TMEFF1: variants seen among roughly 807,000 people sequenced by gnomAD.
TMEFF1 encodes the protein transmembrane protein with EGF like and two follistatin like domains 1.
TMEFF1 carries 20 observed loss-of-function variants against 47.5 expected under a neutral mutation model. That is an observed-to-expected ratio of 0.42 (90% CI 0.30 to 0.61). The LOEUF (loss-of-function observed/expected upper bound fraction) is 0.61. TMEFF1 is among the 20% of genes least tolerant of loss of function. The pLI is 0.19. For synonymous variants in TMEFF1, 162 were observed against 166.3 expected, an observed-to-expected ratio of 0.97 and a Z score of 0.20; for missense variants, 411 against 471.1, an observed-to-expected ratio of 0.87 and a Z score of 1.18.
At position 100,539,421 on chromosome 9, in the gene TMEFF1, G is replaced by A. The variant is rs139119240; in HGVS notation, c.561-8323G>A. Reference sequence around the variant, plus strand: ...TACGGTTCTTAAAGATGGTATGTCCGGAGTTTGTTCCTTCAGATGTTCAGC... The same window carrying A: ...TACGGTTCTTAAAGATGGTATGTCCAGAGTTTGTTCCTTCAGATGTTCAGC... On this transcript the variant is annotated intron_variant, in intron 5 of 9. Coordinates refer to ENST00000374879, the MANE Select transcript of TMEFF1 (RefSeq NM_003692.5). Among the ~76,000 whole-genome samples, 116 of 152,282 alleles carry A rather than the reference G, an allele frequency of 7.6e-4. 3 individuals carry two copies. The East Asian group carries it at 0.017, about 22-fold the overall frequency.
intron 5 of TMEFF1, among the ~76,000 whole-genome samples, chr9:100,537,978 T>C (rs894304193): frequency 1.7e-4 from 26 of 152,298 alleles, no homozygotes; most frequent in African/African-American, 6.3e-4. Flanking sequence ...CAAAAGTGTA[T>C]GAAAACTAAA....
At chr9:100,534,891 A>T (rs950921886) in intron 5 of TMEFF1, among the ~76,000 whole-genome samples, 2 of 152,138 alleles carry the variant, frequency 1.3e-5, no homozygotes, top group East Asian at 3.8e-4. Flanking sequence ...ATTTCTATTT[A>T]ACTGCCATCC....
At chr9:100,491,867 A>AGAATAGTTT in intron 1 of TMEFF1, among the ~76,000 whole-genome samples, 1 of 151,566 alleles carries the variant, frequency 6.6e-6, no homozygotes, top group African/African-American at 2.4e-5. Context: ...TTTTTCTTTG[A>AGAATAGTTT]GAATAGTTTC....
At chr9:100,558,790 ATACT>A (rs963263001) in intron 7 of TMEFF1, among the ~76,000 whole-genome samples, 5 of 152,052 alleles carry the variant, frequency 3.3e-5, no homozygotes, top group African/African-American at 1.2e-4. Flanking sequence ...ATACTTGGTA[ATACT>A]TATTTATTAA....
chr9:100,474,283 G>A (rs866477405), intron 1 of TMEFF1, among the ~76,000 whole-genome samples: 3 of 152,022 alleles, frequency 2.0e-5, no homozygotes, highest in Middle Eastern at 3.4e-3. Flanking sequence ...TAAAGGGAAC[G>A]GGTTGTCTTG....
At chr9:100,487,607 T>C (rs1057280440) in intron 1 of TMEFF1, among the ~76,000 whole-genome samples, 1 of 152,200 alleles carries the variant, frequency 6.6e-6, no homozygotes, top group Non-Finnish European at 1.5e-5. Flanking sequence ...ATTCAATGTT[T>C]TACAACAAAA....
intron 1 of TMEFF1, among the ~76,000 whole-genome samples, chr9:100,490,804 G>A (rs1194065756): frequency 6.8e-6 from 1 of 147,476 alleles, no homozygotes; most frequent in Non-Finnish European, 1.5e-5. Flanking sequence ...TACCGGTTTT[G>A]TTTATTCCTG....
chr9:100,522,149 G>T (rs1838172454), intron 5 of TMEFF1, among the ~76,000 whole-genome samples: 1 of 152,150 alleles, frequency 6.6e-6, no homozygotes. Flanking sequence ...GAAGCTTCAT[G>T]TACTTTTTAA....
At position 100,574,237 on chromosome 9, in the gene TMEFF1, A is replaced by G. The variant is rs147360727; in HGVS notation, c.1058+1561A>G. Reference sequence around the variant, plus strand: ...ATATTTTTCAGAGTATTAATGAGTCATCTGAAAAATTCATTGGAGTAGTGA... The same window carrying G: ...ATATTTTTCAGAGTATTAATGAGTCGTCTGAAAAATTCATTGGAGTAGTGA... On this transcript the variant is annotated intron_variant, in intron 9 of 9. Transcript: ENST00000374879. Among the ~76,000 whole-genome samples, 637 of 152,344 alleles carry G rather than the reference A, an allele frequency of 4.2e-3. 6 individuals are homozygous for G. The highest frequency in any genetic ancestry group is 0.014 in the African/African-American group (601 of 41,576).
At chr9:100,562,813 G>A (rs1839044964) in intron 8 of TMEFF1, among the ~76,000 whole-genome samples, 1 of 151,340 alleles carries the variant, frequency 6.6e-6, no homozygotes, top group African/African-American at 2.4e-5. Context: ...GTGCCACCAT[G>A]CTTGGCTAAT....
intron 5 of TMEFF1, among the ~76,000 whole-genome samples, chr9:100,532,581 G>A (rs1239755408): frequency 6.6e-6 from 1 of 151,790 alleles, no homozygotes; most frequent in African/African-American, 2.4e-5. Flanking sequence ...TAAAAAGTCA[G>A]GAAACAACAG....
intron 5 of TMEFF1, among the ~76,000 whole-genome samples, chr9:100,538,910 T>C (rs1013078984): frequency 6.6e-6 from 1 of 152,120 alleles, no homozygotes; most frequent in Non-Finnish European, 1.5e-5. Context: ...GTAGGAGATA[T>C]TCTTTTTTTT....
intron 1 of TMEFF1, among the ~76,000 whole-genome samples, chr9:100,482,654 T>G (rs1837364242): frequency 6.6e-6 from 1 of 152,240 alleles, no homozygotes; most frequent in Non-Finnish European, 1.5e-5. Context: ...CCTAAACTTC[T>G]GGATCTTCTG....
chr9:100,570,542 C>G (rs1404415014), intron 8 of TMEFF1, among the ~76,000 whole-genome samples: 5 of 152,004 alleles, frequency 3.3e-5, no homozygotes, highest in Non-Finnish European at 7.4e-5. Flanking sequence ...CAGTTCTTTC[C>G]CCATTGAGTT....
At position 100,577,211 on chromosome 9, in the gene TMEFF1, A is replaced by G. The variant is rs955918931; in HGVS notation, c.*611A>G. The G allele has an allele frequency of 1.3e-5, 2 of 152,670 alleles. No individual in the cohort carries two copies. Among genetic ancestry groups the G allele is most frequent in the African/African-American group, 4.8e-5 (2 of 41,468 alleles). The allele number at this position is 152,670 out of a possible 1,614,324, so 9.5% of individuals were successfully genotyped here. On this transcript the variant is annotated 3_prime_UTR_variant, in exon 10 of 10. Coordinates refer to ENST00000374879, the MANE Select transcript of TMEFF1 (RefSeq NM_003692.5). ...TTAGTAATGATGGAACAGATCAATG[A>G]AAAGTAGATATAGATATTGTGAAAA...
At chr9:100,569,561 G>T (rs79749742) in intron 8 of TMEFF1, among the ~76,000 whole-genome samples, 4,242 of 150,884 alleles carry the variant, frequency 0.028, 188 homozygotes, top group African/African-American at 0.098. Flanking sequence ...TATCTTTTTT[G>T]TTGTTGTTGT....
At chr9:100,529,835 A>C (rs558436801) in intron 5 of TMEFF1, among the ~76,000 whole-genome samples, 1 of 152,276 alleles carries the variant, frequency 6.6e-6, no homozygotes, top group South Asian at 2.1e-4. Context: ...TTGACCACAT[A>C]GTTGGAAGTA....
At chr9:100,523,944 A>T (rs1838211477) in intron 5 of TMEFF1, among the ~76,000 whole-genome samples, 2 of 152,158 alleles carry the variant, frequency 1.3e-5, no homozygotes, top group Non-Finnish European at 2.9e-5. Context: ...TCATTTATGT[A>T]TGTATATATG....
At position 100,550,131 on chromosome 9, in the gene TMEFF1, A is replaced by G; in HGVS notation, c.746A>G (p.Asp249Gly). The G allele has an allele frequency of 3.7e-6, 6 of 1,612,124 alleles. No homozygotes were observed. The highest frequency in any genetic ancestry group is 5.1e-6 in the Non-Finnish European group (6 of 1,179,292). Residue 249 changes from aspartate (D) to glycine (G), a missense_variant, in exon 7 of 10, where the codon GAT becomes GGT. Physicochemically the swap from Asp to Gly is moderately conservative, Grantham distance 94. Coordinates refer to ENST00000374879, the MANE Select transcript of TMEFF1 (RefSeq NM_003692.5). Reference sequence around the variant, plus strand: ...ACTAGTTTGTTGGGAAAGAAAGATGATGGACTACAATATCGACCAGATGTG... The same window carrying G: ...ACTAGTTTGTTGGGAAAGAAAGATGGTGGACTACAATATCGACCAGATGTG... ...DDTSLLGKKDDGLQYRPDVKD... is the reference protein window; with the variant it reads ...DDTSLLGKKDGGLQYRPDVKD...
Sources: gnomAD v4.1 joint callset for allele counts (sites outside exome capture counted in the v4.1 genomes callset) on GRCh38, gnomAD v4.1.1 for gene constraint, MANE v1.5 for transcripts, NCBI Gene and HGNC (gene_info 2026-07-23, HGNC 2026-07-21) for gene names.